RBFOX1: variants seen among roughly 807,000 people sequenced by gnomAD.
The protein encoded by RBFOX1 is RNA binding fox-1 homolog 1.
In RBFOX1, 8 loss-of-function variants were observed where a neutral mutation model predicts 57.7. That is an observed-to-expected ratio of 0.14 (90% CI 0.08 to 0.25). The LOEUF is 0.25. Ranked by LOEUF, RBFOX1 falls within the 10% of genes least tolerant of loss-of-function variation. The pLI is 1.00. For missense variants in RBFOX1, 611 were observed against 548.5 expected, an observed-to-expected ratio of 1.11 and a Z score of -1.14; for synonymous variants, 326 against 222.4, an observed-to-expected ratio of 1.47 and a Z score of -4.15.
chr16:5,695,768 C>T (rs4786058), intron 3 of RBFOX1, among the ~76,000 whole-genome samples: 3 of 151,910 alleles, frequency 2.0e-5, no homozygotes, highest in African/African-American at 7.3e-5. Flanking sequence ...GTAATACTTA[C>T]TAGTTTTGTA....
rs1567534252 is a variant in RBFOX1 at position 5,454,767 on chromosome 16, C to CTTTTCTTTTCTT, written c.220-12448_220-12447insTTTCTTTTCTTT. On this transcript the variant is annotated intron_variant, in intron 1 of 2. Coordinates refer to the RBFOX1 transcript ENST00000585867. ...TCTTTTTCTTTTCTTTTCTTTCTTTCTCTTTCTTTCTTTCTTTCTTTCTCT... is the reference window on the plus strand; with the variant it reads ...TCTTTTTCTTTTCTTTTCTTTCTTTCTTTTCTTTTCTTTCTTTCTTTCTTTCTTTCTTTCTCT... Among the ~76,000 whole-genome samples, 34 of 36,344 alleles carry CTTTTCTTTTCTT rather than the reference C, an allele frequency of 9.4e-4. 1 individual carries two copies. The highest frequency in any genetic ancestry group is 6.6e-3 in the Admixed American group (25 of 3,790). 23.8% of individuals were successfully genotyped at this position (36,344 alleles called of 152,430 possible).
At chr16:5,526,042 G>A (rs1462390775) in intron 2 of RBFOX1, among the ~76,000 whole-genome samples, 1 of 152,184 alleles carries the variant, frequency 6.6e-6, no homozygotes, top group Non-Finnish European at 1.5e-5. Context: ...GGCAGTCACA[G>A]GTGAAACATG....
At chr16:5,961,422 C>G (rs185050117) in intron 4 of RBFOX1, among the ~76,000 whole-genome samples, 111 of 152,152 alleles carry the variant, frequency 7.3e-4, no homozygotes, top group Admixed American at 1.3e-3. Context: ...ATTCTTAACC[C>G]TTACTTCACA....
chr16:6,744,222 C>G lies in RBFOX1; in HGVS notation c.-16+89572C>G, dbSNP rs978801922. Among the ~76,000 whole-genome samples the G allele has an allele frequency of 1.4e-4, 22 of 151,998 alleles. 1 individual carries two copies. Among genetic ancestry groups the G allele is most frequent in the East Asian group, 3.8e-4 (2 of 5,196 alleles). On this transcript the variant is annotated intron_variant, in intron 3 of 15. Transcript: ENST00000550418. ...CACCTCAACTTTAAAATACATGAAA[C>G]AAAACTGTTGGAACTGGAAGGAGAA... is the stretch of plus-strand genomic sequence containing the variant.
At chr16:7,225,796 C>G (rs1028701045) in intron 4 of RBFOX1, among the ~76,000 whole-genome samples, 1 of 147,192 alleles carries the variant, frequency 6.8e-6, no homozygotes, top group African/African-American at 2.5e-5. Context: ...GGAGATATAC[C>G]TAATGTAAAT....
chr16:6,520,112 G>T (rs1306500137), intron 2 of RBFOX1, among the ~76,000 whole-genome samples: 1 of 152,128 alleles, frequency 6.6e-6, no homozygotes, highest in Non-Finnish European at 1.5e-5. Flanking sequence ...TGCTTCATTC[G>T]GAGGTGCTTG....
At chr16:7,233,228 T>C (rs891240773) in intron 4 of RBFOX1, among the ~76,000 whole-genome samples, 1 of 149,926 alleles carries the variant, frequency 6.7e-6, no homozygotes, top group Non-Finnish European at 1.5e-5. Context: ...TTTTTTTTTT[T>C]TCCTGATTCT....
chr16:7,587,290 G>A lies in RBFOX1; in HGVS notation c.458G>A (p.Arg153Gln), dbSNP rs1174108648. 1.3e-6 allele frequency: 2 copies of A among 1,560,688 alleles called. No homozygotes were observed. Among genetic ancestry groups the A allele is most frequent in the Non-Finnish European group, 1.7e-6 (2 of 1,154,990 alleles). Reference sequence around the variant, plus strand: ...GATGTTGAAATTATTTTTAATGAGCGAGGCTCAAAGGTAAGCAACTTAATT... The same window carrying A: ...GATGTTGAAATTATTTTTAATGAGCAAGGCTCAAAGGTAAGCAACTTAATT... ...ILDVEIIFNE[R>Q]GSKGFGFVTF... Residue 153 changes from arginine (R) to glutamine (Q), a missense_variant, in exon 7 of 16, where the codon CGA becomes CAA. By Grantham distance (43) the Arg-to-Gln change is conservative. Transcript: ENST00000550418.
chr16:6,198,033 A>G (rs562083969), intron 1 of RBFOX1, among the ~76,000 whole-genome samples: 2 of 152,212 alleles, frequency 1.3e-5, no homozygotes, highest in Non-Finnish European at 2.9e-5. Context: ...CTCTTTCATA[A>G]TAATGGCATT....
chr16:7,445,698 CTGTTGTTGTTGTGTGGTTTT>C (rs2098802562), intron 4 of RBFOX1, among the ~76,000 whole-genome samples: 1 of 152,176 alleles, frequency 6.6e-6, no homozygotes, highest in Non-Finnish European at 1.5e-5. Context: ...GTTGCTGTTA[CTGTTGTTGTTGTGTGGTTTT>C]TGTTGTTGTT....
At chr16:6,961,748 C>T (rs578077748) in intron 3 of RBFOX1, among the ~76,000 whole-genome samples, 9 of 152,112 alleles carry the variant, frequency 5.9e-5, no homozygotes, top group South Asian at 4.1e-4. Context: ...GATTGTTTCA[C>T]GGCGTTTTTA....
intron 4 of RBFOX1, among the ~76,000 whole-genome samples, chr16:7,188,640 C>G (rs973540645): frequency 6.6e-6 from 1 of 152,140 alleles, no homozygotes; most frequent in Admixed American, 6.5e-5. Context: ...ACTCATTATA[C>G]CAGTCCAGTA....
chr16:6,893,250 A>G (rs2065951598), intron 3 of RBFOX1, among the ~76,000 whole-genome samples: 1 of 152,196 alleles, frequency 6.6e-6, no homozygotes, highest in Non-Finnish European at 1.5e-5. Context: ...AGCTTCTCCC[A>G]GAAGAACACC....
intron 1 of RBFOX1, among the ~76,000 whole-genome samples, chr16:6,215,071 G>A (rs779370009): frequency 7.4e-6 from 1 of 135,990 alleles, no homozygotes; most frequent in Non-Finnish European, 1.6e-5. Flanking sequence ...GAGGGACGGG[G>A]AGATGGGGAG....
At chr16:6,436,557 T>G (rs1252361455) in intron 2 of RBFOX1, among the ~76,000 whole-genome samples, 1 of 148,972 alleles carries the variant, frequency 6.7e-6, no homozygotes, top group Non-Finnish European at 1.5e-5. Context: ...ATTTCACATA[T>G]AGGTCCAAGT....
rs571525932 is a variant in RBFOX1, at chr16:6,702,813, G to C, written c.-16+48163G>C. Reference sequence around the variant, plus strand: ...CCACCTTAGCCATTTTAAATGTAGAGTTCAGTGGCATTAAATACATTCACA... The same window carrying C: ...CCACCTTAGCCATTTTAAATGTAGACTTCAGTGGCATTAAATACATTCACA... On this transcript the variant is annotated intron_variant, in intron 3 of 15. Coordinates refer to ENST00000550418, the MANE Select transcript of RBFOX1 (RefSeq NM_018723.4). Among the ~76,000 whole-genome samples the C allele has an allele frequency of 1.1e-4, 16 of 152,280 alleles. No homozygotes were observed. The South Asian group carries it at 3.3e-3, about 32-fold the overall frequency.
chr16:7,304,493 G>T, intron 4 of RBFOX1: 1 of 985,268 alleles, frequency 1.0e-6, no homozygotes, highest in South Asian at 4.7e-5. Context: ...CAGGTAAGGC[G>T]CGCGTCTGCC....
At chr16:6,170,457 C>A (rs1012548510) in intron 1 of RBFOX1, among the ~76,000 whole-genome samples, 9 of 152,110 alleles carry the variant, frequency 5.9e-5, no homozygotes, top group African/African-American at 2.2e-4. Flanking sequence ...CTGCTCTGAG[C>A]CCCGTGGATG....
chr16:5,579,763 T>TC (rs1026486330), intron 2 of RBFOX1, among the ~76,000 whole-genome samples: 36 of 151,558 alleles, frequency 2.4e-4, no homozygotes, highest in Middle Eastern at 3.4e-3. Context: ...TTTCTTTCTT[T>TC]TTTTTTTTTT....
Sources: allele counts gnomAD v4.1 joint callset (sites outside exome capture counted in the v4.1 genomes callset), GRCh38; gene constraint gnomAD v4.1.1; transcripts MANE v1.5; gene names NCBI Gene and HGNC (gene_info 2026-07-23, HGNC 2026-07-21).